The following ZNF469 variants were observed in gnomAD, a reference collection of about 807,000 sequenced individuals.
The protein encoded by ZNF469 is zinc finger protein 469.
Under a neutral mutation model 1.0 loss-of-function variants are expected in ZNF469, and 1 was observed. That is an observed-to-expected ratio of 1.00 (90% confidence interval 0.35 to 4.73). The LOEUF (loss-of-function observed/expected upper bound fraction) is 4.73. ZNF469 is among the 30% of genes most tolerant of loss of function. ZNF469 has a pLI of 0.16. For missense variants in ZNF469, 6,100 were observed against 5,356.3 expected (o/e 1.14, Z -4.33); for synonymous variants, 2,703 against 2,363.4 (o/e 1.14, Z -4.17).
the ZNF469 span, among the ~76,000 whole-genome samples, chr16:88,239,523 C>G: frequency 6.8e-6 from 1 of 147,996 alleles, no homozygotes; most frequent in East Asian, 2.0e-4. Context: ...GAGTCTCGCT[C>G]TGTCACCAGG....
At chr16:88,263,329 A>C in the ZNF469 span, among the ~76,000 whole-genome samples, 1 of 152,202 alleles carries the variant, frequency 6.6e-6, no homozygotes, top group Non-Finnish European at 1.5e-5. Context: ...CCCTTGTCGC[A>C]GGCTGGGCTC....
At chr16:88,233,838 C>T in the ZNF469 span, among the ~76,000 whole-genome samples, 4 of 152,228 alleles carry the variant, frequency 2.6e-5, no homozygotes, top group South Asian at 6.2e-4. Flanking sequence ...GCAGTGCAGC[C>T]GCCTTCTTGG....
chr16:88,380,665 CCT>C (rs2092520033), upstream of ZNF469, among the ~76,000 whole-genome samples: 1 of 131,650 alleles, frequency 7.6e-6, no homozygotes, highest in Non-Finnish European at 1.6e-5. Context: ...ACAGACACGC[CCT>C]CACACAAGAC....
chr16:88,351,891 T>C, the ZNF469 span, among the ~76,000 whole-genome samples: 5 of 152,204 alleles, frequency 3.3e-5, no homozygotes, highest in African/African-American at 1.2e-4. Context: ...ATGTCTATAG[T>C]GGGTTTCGAA....
chr16:88,426,347 C>T (rs898327324), intron 2 of ZNF469, among the ~76,000 whole-genome samples: 1 of 152,266 alleles, frequency 6.6e-6, no homozygotes, highest in Non-Finnish European at 1.5e-5. Flanking sequence ...GTGTAAAGGA[C>T]GCCCGGTCCC....
the ZNF469 span, among the ~76,000 whole-genome samples, chr16:88,225,634 T>C: frequency 6.6e-6 from 1 of 152,108 alleles, no homozygotes; most frequent in African/African-American, 2.4e-5. Context: ...CCCAAGGCCA[T>C]GGTGTTGGGA....
At chr16:88,107,332 G>A in the ZNF469 span, among the ~76,000 whole-genome samples, 4,367 of 152,330 alleles carry the variant, frequency 0.029, 181 homozygotes, top group East Asian at 0.2. Flanking sequence ...GGCGGAAGGC[G>A]AAGAAGAAGC....
the ZNF469 span, among the ~76,000 whole-genome samples, chr16:88,197,531 A>C: frequency 6.6e-6 from 1 of 152,230 alleles, no homozygotes; most frequent in Non-Finnish European, 1.5e-5. Context: ...ATCAGTTTGC[A>C]TTTGGGAGAA....
At chr16:88,293,710 G>A in the ZNF469 span, among the ~76,000 whole-genome samples, 2 of 152,148 alleles carry the variant, frequency 1.3e-5, no homozygotes, top group Non-Finnish European at 2.9e-5. Flanking sequence ...CCTCTTCTGA[G>A]ACTCTTCTGT....
the ZNF469 span, among the ~76,000 whole-genome samples, chr16:88,199,801 C>A: frequency 6.6e-6 from 1 of 152,212 alleles, no homozygotes; most frequent in Non-Finnish European, 1.5e-5. Flanking sequence ...GACTCAGCGT[C>A]CCCACCTGGG....
At chr16:88,218,825 AT>A in the ZNF469 span, among the ~76,000 whole-genome samples, 1 of 151,060 alleles carries the variant, frequency 6.6e-6, no homozygotes, top group Non-Finnish European at 1.5e-5. Context: ...AGGAAGTCAA[AT>A]TGTCCCTGTT....
chr16:88,324,670 T>A, the ZNF469 span, among the ~76,000 whole-genome samples: 1 of 152,236 alleles, frequency 6.6e-6, no homozygotes, highest in African/African-American at 2.4e-5. Context: ...GCTGTTTTTA[T>A]ACCCACTTTT....
At chr16:88,244,140 C>CATGGGTGG in the ZNF469 span, among the ~76,000 whole-genome samples, 1 of 96,874 alleles carries the variant, frequency 1.0e-5, no homozygotes, top group Non-Finnish European at 2.1e-5. Flanking sequence ...TGGATGGGTG[C>CATGGGTGG]ATGGGTGGAT....
chr16:88,377,528 T>C, the ZNF469 span, among the ~76,000 whole-genome samples: 1 of 152,228 alleles, frequency 6.6e-6, no homozygotes, highest in South Asian at 2.1e-4. Context: ...GCAGAAACGC[T>C]TGGGCCGTAG....
the ZNF469 span, among the ~76,000 whole-genome samples, chr16:88,233,820 T>C: frequency 6.6e-6 from 1 of 152,246 alleles, no homozygotes; most frequent in Non-Finnish European, 1.5e-5. Context: ...GCGAGCGCTT[T>C]GGTGAGCGCA....
the ZNF469 span, among the ~76,000 whole-genome samples, chr16:88,260,416 G>C: frequency 6.6e-6 from 1 of 152,210 alleles, no homozygotes; most frequent in Non-Finnish European, 1.5e-5. This position sits in a 1 kb window ranked among gnomAD's most constrained non-coding sequence, Gnocchi z 4.1. Context: ...CCCTGGCCAC[G>C]GTTGCATCTC....
At chr16:88,241,337 C>T in the ZNF469 span, among the ~76,000 whole-genome samples, 5 of 146,800 alleles carry the variant, frequency 3.4e-5, no homozygotes, top group African/African-American at 1.3e-4. This position sits in a 1 kb window ranked among gnomAD's most constrained non-coding sequence, Gnocchi z 4.8. Flanking sequence ...CTAGCCTGGG[C>T]GGCAGGGTGA....
the ZNF469 span, among the ~76,000 whole-genome samples, chr16:88,243,946 ATATATAAATG>A: frequency 8.4e-6 from 1 of 119,240 alleles, no homozygotes; most frequent in African/African-American, 3.3e-5. Flanking sequence ...ATATATATAT[ATATATAAATG>A]TATGTGTGGA....
At chr16:88,296,265 G>T in the ZNF469 span, among the ~76,000 whole-genome samples, 1 of 152,210 alleles carries the variant, frequency 6.6e-6, no homozygotes, top group Non-Finnish European at 1.5e-5. Flanking sequence ...TAGGATCCCA[G>T]CTTCTGTCCC....
Sources: gnomAD v4.1 joint callset for allele counts (sites outside exome capture counted in the v4.1 genomes callset) on GRCh38, gnomAD v4.1.1 for gene constraint, Gnocchi (gnomAD v3.1) non-coding constraint, MANE v1.5 for transcripts, NCBI Gene and HGNC (gene_info 2026-07-23, HGNC 2026-07-21) for gene names.